SLC38A4: variants seen among roughly 807,000 people sequenced by gnomAD.
SLC38A4 encodes sodium-coupled neutral amino acid transporter 4.
In SLC38A4, 20 loss-of-function variants were observed where a neutral mutation model predicts 63.1. The observed-to-expected ratio is 0.32, with a 90% CI of 0.22 to 0.46. The LOEUF (loss-of-function observed/expected upper bound fraction) is 0.46. Among genes scored for constraint, SLC38A4 ranks in the 20% least tolerant of loss-of-function variants. The pLI is 1.00. For synonymous variants in SLC38A4, 230 were observed against 225.5 expected (o/e 1.02, Z -0.18); for missense variants, 526 against 663.6 (o/e 0.79, Z 2.28).
In SLC38A4 at chr12:46,784,784, A is replaced by G. The variant is rs1592181431; in HGVS notation, c.401-150T>C. 7 of 626,552 alleles carry G rather than the reference A, an allele frequency of 1.1e-5. No homozygotes were observed. In the East Asian group the frequency reaches 2.0e-4, roughly 18 times the overall value. 38.8% of individuals were successfully genotyped at this position (626,552 alleles called of 1,614,324 possible). On this transcript the variant is annotated intron_variant, in intron 6 of 16. Transcript: ENST00000266579. Reference sequence around the variant, plus strand: ...AAAAGATGCAACCTCAAAAACCAATAAGCAATATATCAAAATGTTCTCCAA... The same window carrying G: ...AAAAGATGCAACCTCAAAAACCAATGAGCAATATATCAAAATGTTCTCCAA...
At chr12:46,806,094 A>T (rs1005363831) in intron 1 of SLC38A4, among the ~76,000 whole-genome samples, 1 of 151,726 alleles carries the variant, frequency 6.6e-6, no homozygotes, top group Non-Finnish European at 1.5e-5. Flanking sequence ...AGATTCTAGT[A>T]GGTGGAGAGG....
At position 46,766,743 on chromosome 12, in the gene SLC38A4, TATA is replaced by T. The variant is rs768616143; in HGVS notation, c.1599_1601del (p.Ile535del). The T allele has an allele frequency of 6.2e-7, 1 of 1,612,332 alleles. No homozygotes were observed. The highest frequency in any genetic ancestry group is 1.3e-5 in the African/African-American group (1 of 74,998). Reference sequence around the variant, plus strand: ...TTGGAGGATCATAAATCCAGTCAATTATAATGAGTGCCATGCTTCCAATCATGA... The same window carrying T: ...TTGGAGGATCATAAATCCAGTCAATTATGAGTGCCATGCTTCCAATCATGA... On this transcript the variant is annotated inframe_deletion, in exon 17 of 17. Coordinates refer to ENST00000266579, the MANE Select transcript of SLC38A4 (RefSeq NM_018018.5).
At chr12:46,793,726 G>C (rs891452279) in intron 2 of SLC38A4, among the ~76,000 whole-genome samples, 2 of 152,118 alleles carry the variant, frequency 1.3e-5, no homozygotes, top group African/African-American at 4.8e-5. Flanking sequence ...TAACTTTCTA[G>C]GCACTTGGAT....
chr12:46,773,008 C>T (rs1030398675), intron 14 of SLC38A4, among the ~76,000 whole-genome samples: 4 of 151,936 alleles, frequency 2.6e-5, no homozygotes, highest in Non-Finnish European at 5.9e-5. Context: ...CAAGCAAAAG[C>T]GCCAATAACA....
intron 3 of SLC38A4, among the ~76,000 whole-genome samples, chr12:46,792,305 T>C (rs1938907022): frequency 6.6e-6 from 1 of 152,110 alleles, no homozygotes; most frequent in Non-Finnish European, 1.5e-5. Context: ...CCGTTGGCTA[T>C]GTGGGTCAAA....
chr12:46,805,936 T>C (rs1328580919), intron 1 of SLC38A4, among the ~76,000 whole-genome samples: 1 of 151,752 alleles, frequency 6.6e-6, no homozygotes, highest in Non-Finnish European at 1.5e-5. Flanking sequence ...AAGGGAGACT[T>C]GGCTTCCCAG....
chr12:46,769,211 C>A, intron 15 of SLC38A4, 73 bp downstream of exon 15: 1 of 1,534,786 alleles, frequency 6.5e-7, no homozygotes, highest in Non-Finnish European at 9.0e-7. Flanking sequence ...GATGACCCAG[C>A]ACTGGTTCCC....
At chr12:46,813,263 T>C (rs1315726037) in intron 1 of SLC38A4, among the ~76,000 whole-genome samples, 2 of 152,054 alleles carry the variant, frequency 1.3e-5, no homozygotes, top group Non-Finnish European at 2.9e-5. Flanking sequence ...TGCATACCTA[T>C]ATCTATGTCT....
upstream of SLC38A4, among the ~76,000 whole-genome samples, chr12:46,827,954 T>A (rs146308252): frequency 1.6e-3 from 238 of 152,258 alleles, no homozygotes; most frequent in African/African-American, 5.2e-3. Flanking sequence ...TTAGCACAGG[T>A]AACTTTCAAA....
intron 5 of SLC38A4, among the ~76,000 whole-genome samples, chr12:46,787,298 T>C (rs974820766): frequency 6.6e-6 from 1 of 152,134 alleles, no homozygotes; most frequent in South Asian, 2.1e-4. Context: ...ATTAACCAAA[T>C]GAATCAGACA....
chr12:46,814,468 T>C (rs896061725), intron 1 of SLC38A4, among the ~76,000 whole-genome samples: 18 of 151,798 alleles, frequency 1.2e-4, no homozygotes, highest in African/African-American at 4.1e-4. Context: ...ATTTGGGGGG[T>C]TGGTTGGCTT....
At chr12:46,825,293 A>G (rs1592200416) in intron 1 of SLC38A4, among the ~76,000 whole-genome samples, 1 of 139,406 alleles carries the variant, frequency 7.2e-6, no homozygotes, top group East Asian at 2.1e-4. Flanking sequence ...CAAATTTATA[A>G]TTACTTTAAT....
chr12:46,775,727 T>A (rs1300572346), intron 13 of SLC38A4, among the ~76,000 whole-genome samples: 3 of 152,012 alleles, frequency 2.0e-5, no homozygotes, highest in Non-Finnish European at 4.4e-5. Flanking sequence ...AAAATAAGTA[T>A]AAGTAACATG....
In SLC38A4 at chr12:46,779,992, G is replaced by A; in HGVS notation, c.532C>T (p.Pro178Ser). 6.2e-7 allele frequency: 1 copy of A among 1,612,434 alleles called. No individual in the cohort carries two copies. The highest frequency in any genetic ancestry group is 8.5e-7 in the Non-Finnish European group (1 of 1,178,956). ...SYLFIIKYEL[P>S]EVIRAFMGLE... The stretch of plus-strand genomic sequence containing the variant: ...CCCATGAATGCTCTGATTACTTCAG[G>A]TAGTTCATATTTAATGATAAAGAGG... Residue 178 changes from proline to serine, a missense_variant, in exon 8 of 17, where the codon CCT becomes TCT. Physicochemically the swap from Pro to Ser is moderately conservative, Grantham distance 74. Transcript: ENST00000266579.
intron 16 of SLC38A4, among the ~76,000 whole-genome samples, chr12:46,767,920 T>C (rs1192005156): frequency 6.6e-6 from 1 of 152,096 alleles, no homozygotes. Flanking sequence ...TCCTTTGGCT[T>C]TGCAAACCTA....
intron 1 of SLC38A4, among the ~76,000 whole-genome samples, chr12:46,813,115 C>G (rs187456245): frequency 1.3e-5 from 2 of 151,942 alleles, no homozygotes; most frequent in African/African-American, 4.8e-5. Flanking sequence ...CTCACATTGG[C>G]CCTGTTTTAT....
chr12:46,823,198 G>A lies in SLC38A4; in HGVS notation c.-305+2705C>T, dbSNP rs192899953. 2.7e-4 allele frequency among the ~76,000 whole-genome samples: 41 copies of A among 152,102 alleles called. No individual in the cohort carries two copies. The East Asian group carries it at 3.5e-3, about 13-fold the overall frequency. On this transcript the variant is annotated intron_variant, in intron 1 of 16. Coordinates refer to ENST00000266579, the MANE Select transcript of SLC38A4 (RefSeq NM_018018.5). ...TCAAATAAGTAAACAGTATAAGAGC[G>A]GTATGCAAAATTCAGTGGGTCTTTT... is the stretch of plus-strand genomic sequence containing the variant.
intron 9 of SLC38A4, 46 bp downstream of exon 9, chr12:46,779,734 A>C: frequency 6.3e-7 from 1 of 1,585,472 alleles, no homozygotes; most frequent in East Asian, 2.2e-5. Context: ...ACCTATTTAA[A>C]TGTGAAATAA....
upstream of SLC38A4, chr12:46,826,145 T>C (rs995696018): frequency 1.2e-4 from 19 of 152,420 alleles, no homozygotes; most frequent in African/African-American, 4.3e-4. Context: ...TGCGTCTTTT[T>C]TCTTTTTCTT....
Sources: allele counts gnomAD v4.1 joint callset (sites outside exome capture counted in the v4.1 genomes callset), GRCh38; gene constraint gnomAD v4.1.1; transcripts MANE v1.5; gene names NCBI Gene and HGNC (gene_info 2026-07-23, HGNC 2026-07-21).